EHMT1: variants seen among roughly 807,000 people sequenced by gnomAD.
EHMT1 encodes euchromatic histone lysine methyltransferase 1.
In EHMT1, 15 loss-of-function variants were observed where a neutral mutation model predicts 147.2. The observed-to-expected ratio is 0.10, with a 90% CI of 0.07 to 0.16. The LOEUF is 0.16. Among genes scored for constraint, EHMT1 ranks in the 10% least tolerant of loss-of-function variants. EHMT1 has a pLI of 1.00. For missense variants in EHMT1, 1,587 were observed against 1,772.4 expected, an observed-to-expected ratio of 0.90 and a Z score of 1.88; for synonymous variants, 795 against 709.6, an observed-to-expected ratio of 1.12 and a Z score of -1.91.
intron 2 of EHMT1, among the ~76,000 whole-genome samples, chr9:137,711,233 T>A (rs181644825): frequency 6.6e-6 from 1 of 152,322 alleles, no homozygotes; most frequent in Admixed American, 6.5e-5. Flanking sequence ...GGAACACATT[T>A]GTCAAAGTAT....
At chr9:137,755,671 G>C (rs7872482) in intron 8 of EHMT1, among the ~76,000 whole-genome samples, 21,359 of 152,208 alleles carry the variant, frequency 0.14, 3,510 homozygotes, top group African/African-American at 0.4. Flanking sequence ...CACTCGTCCT[G>C]TTTTAGGTCC....
In EHMT1 at chr9:137,732,473, C is replaced by T. The variant is rs989586933; in HGVS notation, c.823+3944C>T. Among the ~76,000 whole-genome samples, 2 of 152,110 alleles carry T rather than the reference C, an allele frequency of 1.3e-5. No individual in the cohort carries two copies. Among genetic ancestry groups the T allele is most frequent in the Admixed American group, 1.3e-4 (2 of 15,272 alleles). On this transcript the variant is annotated intron_variant, in intron 4 of 26. Coordinates refer to ENST00000460843, the MANE Select transcript of EHMT1 (RefSeq NM_024757.5). This position sits in a 1 kb window ranked among gnomAD's most constrained non-coding sequence, Gnocchi z 4.6. Reference sequence around the variant, plus strand: ...GAACAGCTCTCAGCGGAGAGGAGACCCAAAGTCAGTAGCTCCTACTGGCAG... The same window carrying T: ...GAACAGCTCTCAGCGGAGAGGAGACTCAAAGTCAGTAGCTCCTACTGGCAG...
chr9:137,738,619 C>G (rs1245702765), intron 4 of EHMT1: 7 of 152,122 alleles, frequency 4.6e-5, no homozygotes, highest in African/African-American at 1.7e-4. Flanking sequence ...TCAACCACAG[C>G]AGCCAAAAGG....
chr9:137,828,511 C>T lies in EHMT1; in HGVS notation c.3541-5838C>T, dbSNP rs928234857. On this transcript the variant is annotated intron_variant, in intron 25 of 26. Transcript: ENST00000460843. This position sits in a 1 kb window ranked among gnomAD's most constrained non-coding sequence, Gnocchi z 5.3. Reference sequence around the variant, plus strand: ...AGACCCCATGACCTCTAGGGTCACGCGGAGGCTCCTGGGGTCAGACTGAGA... The same window carrying T: ...AGACCCCATGACCTCTAGGGTCACGTGGAGGCTCCTGGGGTCAGACTGAGA... 6.6e-6 allele frequency among the ~76,000 whole-genome samples: 1 copy of T among 151,620 alleles called. No individual in the cohort carries two copies. Among genetic ancestry groups the T allele is most frequent in the African/African-American group, 2.4e-5 (1 of 41,194 alleles).
intron 1 of EHMT1, among the ~76,000 whole-genome samples, chr9:137,692,831 G>C (rs1202512078): frequency 6.6e-6 from 1 of 152,192 alleles, no homozygotes; most frequent in Non-Finnish European, 1.5e-5. Context: ...GAGCACCAAG[G>C]AAGAGACCTG....
At chr9:137,650,730 G>A (rs935545628) in intron 1 of EHMT1, 2 of 146,860 alleles carry the variant, frequency 1.4e-5, no homozygotes, top group Non-Finnish European at 3.0e-5. Context: ...GCAGTGGGGT[G>A]ATCACAACTC....
chr9:137,681,736 C>T (rs1941959580), intron 1 of EHMT1, among the ~76,000 whole-genome samples: 2 of 152,142 alleles, frequency 1.3e-5, no homozygotes, highest in Admixed American at 6.5e-5. Flanking sequence ...ACCTCTGGAT[C>T]GCACACACTC....
At chr9:137,627,737 G>A (rs1234195472) in intron 1 of EHMT1, among the ~76,000 whole-genome samples, 1 of 148,278 alleles carries the variant, frequency 6.7e-6, no homozygotes, top group African/African-American at 2.5e-5. Context: ...TCTTGGTCTT[G>A]TCGCCCAGGC....
chr9:137,784,012 T>C, intron 15 of EHMT1: 1 of 612,010 alleles, frequency 1.6e-6, no homozygotes, highest in Non-Finnish European at 2.9e-6. Context: ...ATATTGTAGT[T>C]TTAATTTCTA....
chr9:137,703,542 A>G (rs1944012033), intron 1 of EHMT1, among the ~76,000 whole-genome samples: 1 of 152,094 alleles, frequency 6.6e-6, no homozygotes, highest in Non-Finnish European at 1.5e-5. Flanking sequence ...CTCAAGTTCA[A>G]AGTTCCACAG....
intron 25 of EHMT1, among the ~76,000 whole-genome samples, chr9:137,822,131 C>T (rs1282038764): frequency 2.6e-5 from 4 of 152,214 alleles, no homozygotes; most frequent in Admixed American, 1.3e-4. Flanking sequence ...TGAGTTCCAC[C>T]TGCATTCACA....
intron 1 of EHMT1, among the ~76,000 whole-genome samples, chr9:137,635,274 T>G (rs1843923367): frequency 6.6e-6 from 1 of 151,790 alleles, no homozygotes; most frequent in Non-Finnish European, 1.5e-5. Flanking sequence ...TGGCGTGATC[T>G]CGGGTCACTG....
Position 137,835,236 on chromosome 9 carries a change from T to A in EHMT1, c.*283T>A. ...CTGGGAGTCCGCACTGGCATCACCT[T>A]CTGAGTTTCTGATGCTGATTTGTCG... On this transcript the variant is annotated 3_prime_UTR_variant, in exon 27 of 27. Coordinates refer to ENST00000460843, the MANE Select transcript of EHMT1 (RefSeq NM_024757.5). 1 of 334,976 alleles carries A rather than the reference T, an allele frequency of 3.0e-6. No individual in the cohort carries two copies. 20.8% of individuals were successfully genotyped at this position (334,976 alleles called of 1,614,324 possible). A position where few individuals can be genotyped will look rare whatever the true frequency, so the allele number is the denominator to read the frequency against.
At chr9:137,644,328 CTT>C (rs34190370) in intron 1 of EHMT1, among the ~76,000 whole-genome samples, 5 of 145,318 alleles carry the variant, frequency 3.4e-5, no homozygotes, top group Admixed American at 6.9e-5. Context: ...CAGTCACATA[CTT>C]TTTTTTTTTT....
At chr9:137,710,777 T>C (rs1254940374) in intron 1 of EHMT1, among the ~76,000 whole-genome samples, 190 bp from the exon 2 acceptor site, 1 of 152,236 alleles carries the variant, frequency 6.6e-6, no homozygotes, top group Non-Finnish European at 1.5e-5. Context: ...GAAGTTTCCT[T>C]GGACTGTGTT....
chr9:137,647,793 C>T (rs1199634339), intron 1 of EHMT1, among the ~76,000 whole-genome samples: 1 of 151,926 alleles, frequency 6.6e-6, no homozygotes, highest in Non-Finnish European at 1.5e-5. Context: ...GACGGGGTTT[C>T]ACCGTGTTGC....
At chr9:137,797,934 C>T (rs1336734374) in intron 16 of EHMT1, among the ~76,000 whole-genome samples, 1 of 152,218 alleles carries the variant, frequency 6.6e-6, no homozygotes, top group South Asian at 2.1e-4. Context: ...GATGGCACAG[C>T]GGTGTGGGCG....
chr9:137,634,827 C>T lies in EHMT1; in HGVS notation c.21+15778C>T, dbSNP rs548778547. Among the ~76,000 whole-genome samples the T allele has an allele frequency of 1.4e-4, 20 of 147,802 alleles. 1 individual carries two copies. The highest frequency in any genetic ancestry group is 8.6e-4 in the South Asian group (4 of 4,650). On this transcript the variant is annotated intron_variant, in intron 1 of 26. Transcript: ENST00000460843. The stretch of plus-strand genomic sequence containing the variant: ...ACGCCATTCTCCTGCCTCAGCTTCC[C>T]GAGTAGCTGGGACTACAGGCGCCCC...
chr9:137,767,046 C>A (rs1172454328), intron 10 of EHMT1, among the ~76,000 whole-genome samples: 1 of 152,206 alleles, frequency 6.6e-6, no homozygotes, highest in Admixed American at 6.5e-5. Flanking sequence ...TGGTCTCGAA[C>A]TTCTGGGCTC....
Sources: allele counts gnomAD v4.1 joint callset (sites outside exome capture counted in the v4.1 genomes callset), GRCh38; gene constraint gnomAD v4.1.1; non-coding constraint Gnocchi (gnomAD v3.1); transcripts MANE v1.5; gene names NCBI Gene and HGNC (gene_info 2026-07-23, HGNC 2026-07-21).